PTGER3: variants seen among roughly 807,000 people sequenced by gnomAD.
The protein encoded by PTGER3 is prostaglandin E2 receptor EP3 subtype.
PTGER3 carries 22 observed loss-of-function variants against 34.7 expected under a neutral mutation model. That is an observed-to-expected ratio of 0.63 (90% CI 0.45 to 0.91). The LOEUF is 0.91. Ranked by LOEUF, PTGER3 falls within the 40% of genes least tolerant of loss-of-function variation. PTGER3 has a pLI of 0.00. For synonymous variants in PTGER3, 241 were observed against 230.1 expected (o/e 1.05, Z -0.43); for missense variants, 468 against 519.4 (o/e 0.90, Z 0.96).
intron 4 of PTGER3, among the ~76,000 whole-genome samples, chr1:70,946,167 AT>A (rs1328189677): frequency 1.3e-5 from 2 of 152,042 alleles, no homozygotes; most frequent in African/African-American, 4.8e-5. Flanking sequence ...ATATCTCTGG[AT>A]TTAAGTCCCA....
chr1:71,038,806 A>C (rs1200547178), intron 1 of PTGER3, among the ~76,000 whole-genome samples: 1 of 152,192 alleles, frequency 6.6e-6, no homozygotes, highest in Non-Finnish European at 1.5e-5. Context: ...GGCTTGTGTA[A>C]ATTCAATTCT....
chr1:70,902,003 G>A (rs1314641965), intron 4 of PTGER3, among the ~76,000 whole-genome samples: 3 of 152,082 alleles, frequency 2.0e-5, no homozygotes, highest in Non-Finnish European at 4.4e-5. Context: ...CAAGAGTTAA[G>A]CAAAGTAAGA....
In PTGER3 at chr1:71,047,203, C is replaced by A. The variant is rs753302130; in HGVS notation, c.375G>T (p.Pro125=). The A allele has an allele frequency of 6.3e-7, 1 of 1,598,304 alleles. No homozygotes were observed. Among genetic ancestry groups the A allele is most frequent in the Non-Finnish European group, 8.5e-7 (1 of 1,172,740 alleles). ...LSKQRWEHID[P]SGRLCTFFGL... is the part of the protein sequence containing the mutation. ...CGAAAAAGGTGCAGAGCCGCCCCGA[C>A]GGGTCGATGTGCTCCCAACGCTGCT... The change falls in exon 1 of 4, where the codon CCG becomes CCT. Residue 125 remains proline (P), a synonymous_variant. Transcript: ENST00000306666.
At chr1:70,982,767 T>C (rs1654510989) in intron 2 of PTGER3, among the ~76,000 whole-genome samples, 1 of 152,062 alleles carries the variant, frequency 6.6e-6, no homozygotes, top group Non-Finnish European at 1.5e-5. Context: ...TTATCTCTGC[T>C]TTTTAAATTT....
chr1:70,912,822 A>G (rs1431504816), intron 4 of PTGER3, among the ~76,000 whole-genome samples: 1 of 151,966 alleles, frequency 6.6e-6, no homozygotes, highest in Non-Finnish European at 1.5e-5. Context: ...ATGTGAGACT[A>G]TTTCTTAATT....
At chr1:71,024,227 T>C (rs1248648267) in intron 1 of PTGER3, among the ~76,000 whole-genome samples, 3 of 152,208 alleles carry the variant, frequency 2.0e-5, no homozygotes, top group East Asian at 1.9e-4. Flanking sequence ...ATTACAAATG[T>C]GGATCTTTAA....
At chr1:71,026,595 C>T (rs1658946415) in intron 1 of PTGER3, among the ~76,000 whole-genome samples, 5 of 151,646 alleles carry the variant, frequency 3.3e-5, no homozygotes, top group African/African-American at 1.2e-4. Context: ...CCCCCTTAGG[C>T]TGCTTTTGTC....
At chr1:71,011,245 GAGCTGTGAA>G in intron 2 of PTGER3, 1 of 985,330 alleles carries the variant, frequency 1.0e-6, no homozygotes, top group Non-Finnish European at 1.2e-6. Context: ...GCAGGCAGAA[GAGCTGTGAA>G]GGGTCAATGT....
chr1:70,861,216 A>G lies in PTGER3; in HGVS notation c.*24-8357T>C, dbSNP rs1473031133. 2.0e-5 allele frequency among the ~76,000 whole-genome samples: 3 copies of G among 152,244 alleles called. No homozygotes were observed. The East Asian group carries it at 5.8e-4, about 29-fold the overall frequency. On this transcript the variant is annotated intron_variant, in intron 4 of 4. Coordinates refer to the PTGER3 transcript ENST00000370931. ...CAAAGAGGTCCTAAATACTTATGCA[A>G]AAGCCTCAGAGATGCATTTTGAATA...
downstream of PTGER3, among the ~76,000 whole-genome samples, chr1:70,967,686 C>G (rs1332489359): frequency 6.6e-6 from 1 of 152,066 alleles, no homozygotes; most frequent in Non-Finnish European, 1.5e-5. Context: ...TGCATAATGA[C>G]AATTATCTTA....
chr1:70,919,936 T>C (rs1647364140), intron 4 of PTGER3, among the ~76,000 whole-genome samples: 1 of 152,150 alleles, frequency 6.6e-6, no homozygotes, highest in Admixed American at 6.6e-5. Flanking sequence ...ACCAAAAGTA[T>C]TGAGTTCCGC....
intron 4 of PTGER3, among the ~76,000 whole-genome samples, chr1:70,918,430 T>C (rs1572644368): frequency 1.3e-5 from 2 of 151,974 alleles, no homozygotes; most frequent in African/African-American, 2.4e-5. Context: ...AAAAGCTTCT[T>C]CACAGTCAAG....
At chr1:70,885,471 T>TATC (rs1646479093) in intron 4 of PTGER3, among the ~76,000 whole-genome samples, 2 of 152,206 alleles carry the variant, frequency 1.3e-5, no homozygotes, top group Admixed American at 1.3e-4. Context: ...AAACAAGATA[T>TATC]AGATGCAAAA....
At chr1:71,028,584 G>A (rs185106902) in intron 1 of PTGER3, among the ~76,000 whole-genome samples, 1 of 152,044 alleles carries the variant, frequency 6.6e-6, no homozygotes, top group African/African-American at 2.4e-5. Context: ...TTTTTACTAT[G>A]TTTCCCTATT....
chr1:70,913,323 T>C (rs1210774026), intron 4 of PTGER3, among the ~76,000 whole-genome samples: 1 of 151,990 alleles, frequency 6.6e-6, no homozygotes, highest in East Asian at 1.9e-4. Flanking sequence ...AGAAATGAAA[T>C]TGACTTGTAA....
At chr1:71,001,111 G>A (rs1557729251) in intron 2 of PTGER3, among the ~76,000 whole-genome samples, 2 of 152,158 alleles carry the variant, frequency 1.3e-5, no homozygotes, top group African/African-American at 4.8e-5. Flanking sequence ...AATGGGGACT[G>A]TGGGTTTCAT....
intron 3 of PTGER3, among the ~76,000 whole-genome samples, chr1:70,972,910 C>T (rs1244601073): frequency 6.6e-6 from 1 of 151,952 alleles, no homozygotes; most frequent in African/African-American, 2.4e-5. Flanking sequence ...ATTTTTCTTT[C>T]TAATTTTCAT....
chr1:70,974,400 C>T lies in PTGER3; in HGVS notation c.1078-12G>A, dbSNP rs1207932739. The T allele has an allele frequency of 1.1e-6, 1 of 920,218 alleles. No homozygotes were observed. The highest frequency in any genetic ancestry group is 1.3e-5 in the South Asian group (1 of 77,062). 57.0% of individuals were successfully genotyped at this position (920,218 alleles called of 1,614,324 possible). ...GTGTGGTACCTGATCTGTGAACAGACAGAGGATTTCACAGGACACTTCCTT... is the reference window on the plus strand; with the variant it reads ...GTGTGGTACCTGATCTGTGAACAGATAGAGGATTTCACAGGACACTTCCTT... On this transcript the variant is annotated splice_polypyrimidine_tract_variant and intron_variant, in intron 2 of 3. Coordinates refer to ENST00000306666, the MANE Select transcript of PTGER3 (RefSeq NM_198719.2).
At chr1:70,922,657 CA>C (rs1160888061) in intron 4 of PTGER3, among the ~76,000 whole-genome samples, 1 of 151,884 alleles carries the variant, frequency 6.6e-6, no homozygotes, top group Non-Finnish European at 1.5e-5. Flanking sequence ...GAGTTAACAC[CA>C]TAACATGTAT....
Sources: gnomAD v4.1 joint callset for allele counts (sites outside exome capture counted in the v4.1 genomes callset) on GRCh38, gnomAD v4.1.1 for gene constraint, MANE v1.5 for transcripts, NCBI Gene and HGNC (gene_info 2026-07-23, HGNC 2026-07-21) for gene names.